SEC14L1: variants seen among roughly 807,000 people sequenced by gnomAD.
The protein encoded by SEC14L1 is SEC14 like lipid binding 1.
SEC14L1 carries 48 observed loss-of-function variants against 85.3 expected under a neutral mutation model. The ratio of observed to expected loss-of-function variants is 0.56; its 90% confidence interval spans 0.45 to 0.72. The LOEUF is 0.72. SEC14L1 is among the 30% of genes least tolerant of loss of function. The pLI is 0.00. For missense variants in SEC14L1, 682 were observed against 921.4 expected, an observed-to-expected ratio of 0.74 and a Z score of 3.36; for synonymous variants, 391 against 355.5, an observed-to-expected ratio of 1.10 and a Z score of -1.12.
At chr17:77,110,416 C>T (rs1972019693) in intron 3 of SEC14L1, among the ~76,000 whole-genome samples, 1 of 151,992 alleles carries the variant, frequency 6.6e-6, no homozygotes, top group Non-Finnish European at 1.5e-5. Context: ...TGAAAAGAGT[C>T]GAAGTGTATA....
intron 3 of SEC14L1, among the ~76,000 whole-genome samples, chr17:77,105,373 A>ACCCC (rs796673679): frequency 3.0e-4 from 25 of 82,374 alleles, no homozygotes; most frequent in East Asian, 7.9e-4. Context: ...CTCGCTGACC[A>ACCCC]CCCCCCCCCC....
rs925313801 is a variant in SEC14L1 at position 77,193,699 on chromosome 17, G to A, written c.474+150G>A. 5.0e-6 allele frequency: 4 copies of A among 796,386 alleles called. No individual in the cohort carries two copies. The African/African-American group carries it at 7.0e-5, about 14-fold the overall frequency. 49.3% of individuals were successfully genotyped at this position (796,386 alleles called of 1,614,324 possible). On this transcript the variant is annotated intron_variant, in intron 6 of 16. Coordinates refer to ENST00000436233, the MANE Select transcript of SEC14L1 (RefSeq NM_001143998.2). ...ATCCCTACCCCCTGCCTCATCTTTAGGTATAGGGGTTGAGGTTGTGCTGGT... is the reference window on the plus strand; with the variant it reads ...ATCCCTACCCCCTGCCTCATCTTTAAGTATAGGGGTTGAGGTTGTGCTGGT...
In SEC14L1 at chr17:77,169,553, C is replaced by T. The variant is rs567965775; in HGVS notation, c.64-21250C>T. 1.2e-3 allele frequency among the ~76,000 whole-genome samples: 189 copies of T among 152,332 alleles called. 1 individual carries two copies. Among genetic ancestry groups the T allele is most frequent in the African/African-American group, 4.2e-3 (174 of 41,572 alleles). ...GAGCAGAATATTTAATCCATTCCAG[C>T]CAGGCATTCGCATCTTGGTATCCTG... is the stretch of plus-strand genomic sequence containing the variant. On this transcript the variant is annotated intron_variant, in intron 3 of 16. Transcript: ENST00000436233.
chr17:77,152,712 C>G (rs961494655), intron 3 of SEC14L1: 4 of 152,182 alleles, frequency 2.6e-5, no homozygotes, highest in African/African-American at 9.7e-5. Flanking sequence ...ATGTTGTTAT[C>G]CCACCTAACA....
chr17:77,097,118 G>A (rs1332734180), intron 3 of SEC14L1, among the ~76,000 whole-genome samples: 1 of 152,228 alleles, frequency 6.6e-6, no homozygotes, highest in Non-Finnish European at 1.5e-5. Flanking sequence ...TTCTTTGTAA[G>A]GAATCCAGTG....
chr17:77,215,034 C>G lies in SEC14L1; in HGVS notation c.*1011C>G. ...CGTGTGGCATGTAGGAGTCCTGCTT[C>G]TTTGTACATGGGAATTGTGGACTCA... On this transcript the variant is annotated 3_prime_UTR_variant, in exon 17 of 17. Transcript: ENST00000436233. 1.2e-5 allele frequency: 12 copies of G among 985,424 alleles called. No individual in the cohort carries two copies. The highest frequency in any genetic ancestry group is 1.4e-5 in the Non-Finnish European group (12 of 830,092). The allele number at this position is 985,424 out of a possible 1,614,324, so 61.0% of individuals were successfully genotyped here. A position where few individuals can be genotyped will look rare whatever the true frequency, so the allele number is the denominator to read the frequency against.
chr17:77,198,310 C>G (rs889515306), intron 8 of SEC14L1, among the ~76,000 whole-genome samples: 4 of 152,176 alleles, frequency 2.6e-5, no homozygotes, highest in Non-Finnish European at 5.9e-5. Context: ...AGTCATATGG[C>G]CAGTTATGTA....
intron 5 of SEC14L1, among the ~76,000 whole-genome samples, chr17:77,192,269 A>T (rs181382665): frequency 1.3e-3 from 196 of 152,276 alleles, no homozygotes; most frequent in African/African-American, 4.4e-3. Context: ...AGATTTTTAG[A>T]ATACTCTCCT....
At chr17:77,169,757 A>C (rs1196665904) in intron 3 of SEC14L1, among the ~76,000 whole-genome samples, 1 of 152,116 alleles carries the variant, frequency 6.6e-6, no homozygotes, top group African/African-American at 2.4e-5. Flanking sequence ...CCTTTCCAGG[A>C]ATATTAGCTC....
At chr17:77,124,363 CAAAACA>C (rs944733154) in intron 3 of SEC14L1, among the ~76,000 whole-genome samples, 1 of 152,074 alleles carries the variant, frequency 6.6e-6, no homozygotes, top group Non-Finnish European at 1.5e-5. Context: ...GATTCCGTCT[CAAAACA>C]AAAACAAAAA....
At chr17:77,197,188 A>G (rs1975856281) in intron 8 of SEC14L1, among the ~76,000 whole-genome samples, 1 of 152,176 alleles carries the variant, frequency 6.6e-6, no homozygotes, top group Non-Finnish European at 1.5e-5. Flanking sequence ...CTTTTGAGTT[A>G]TTTCGCAGGA....
chr17:77,198,605 C>T (rs891458069), intron 8 of SEC14L1, among the ~76,000 whole-genome samples: 35 of 149,332 alleles, frequency 2.3e-4, no homozygotes, highest in Non-Finnish European at 4.3e-4. Context: ...GACGGAGTCT[C>T]GCCCTGTCGC....
chr17:77,190,267 C>T (rs1405988280), intron 3 of SEC14L1, among the ~76,000 whole-genome samples: 3 of 152,112 alleles, frequency 2.0e-5, no homozygotes, highest in Admixed American at 6.5e-5. Context: ...TGTTGAAAAT[C>T]AGTCGGTGTT....
At chr17:77,117,983 T>A (rs975773367) in intron 3 of SEC14L1, among the ~76,000 whole-genome samples, 1 of 152,238 alleles carries the variant, frequency 6.6e-6, no homozygotes, top group African/African-American at 2.4e-5. Flanking sequence ...AGCCCAAGGC[T>A]TGGACGCCAA....
In SEC14L1 at chr17:77,216,118, G is replaced by C. The variant is rs1977052890; in HGVS notation, c.*2095G>C. ...GGCTAGTAGGTAGGGTTCGTAGGTA[G>C]GGTTAGTAGGTAGGGCTAGTAGGTA... On this transcript the variant is annotated 3_prime_UTR_variant, in exon 17 of 17. Transcript: ENST00000436233. The C allele has an allele frequency of 9.9e-7, 1 of 1,013,898 alleles. No individual in the cohort carries two copies. The highest frequency in any genetic ancestry group is 6.1e-5 in the Admixed American group (1 of 16,362). 62.8% of individuals were successfully genotyped at this position (1,013,898 alleles called of 1,614,324 possible). A position where few individuals can be genotyped will look rare whatever the true frequency, so the allele number is the denominator to read the frequency against.
intron 3 of SEC14L1, among the ~76,000 whole-genome samples, chr17:77,119,911 C>T (rs1427929516): frequency 6.6e-6 from 1 of 152,200 alleles, no homozygotes; most frequent in East Asian, 1.9e-4. Flanking sequence ...TCAGGAACAA[C>T]TTCGGGAATC....
intron 3 of SEC14L1, among the ~76,000 whole-genome samples, chr17:77,111,398 T>G (rs1194695532): frequency 1.4e-5 from 2 of 147,970 alleles, no homozygotes; most frequent in African/African-American, 4.9e-5. Context: ...TTTGAAGTGT[T>G]TTTTTTTTTT....
In SEC14L1 at chr17:77,213,675, G is replaced by A; in HGVS notation, c.2042+183G>A. The A allele has an allele frequency of 1.2e-6, 1 of 854,476 alleles. No homozygotes were observed. The highest frequency in any genetic ancestry group is 1.9e-6 in the Non-Finnish European group (1 of 524,324). 52.9% of individuals were successfully genotyped at this position (854,476 alleles called of 1,614,324 possible). ...GTGACTCCCTGCCTGTCTGCAGAGG[G>A]AGAGTGTCGGAGACAGAGCCGACTG... is the stretch of plus-strand genomic sequence containing the variant. On this transcript the variant is annotated intron_variant, in intron 16 of 16. Coordinates refer to ENST00000436233, the MANE Select transcript of SEC14L1 (RefSeq NM_001143998.2). This position sits in a 1 kb window ranked among gnomAD's most constrained non-coding sequence, Gnocchi z 7.1.
rs568475635 is a variant in SEC14L1, at chr17:77,145,725, G to A, written c.63+2066G>A. On this transcript the variant is annotated intron_variant, in intron 3 of 16. Coordinates refer to ENST00000436233, the MANE Select transcript of SEC14L1 (RefSeq NM_001143998.2). ...TGATAGGAATCACACAGGAATCCGG[G>A]AATTCGAGCTGGGATGGGCTGAGCT... Among the ~76,000 whole-genome samples, 3 of 152,314 alleles carry A rather than the reference G, an allele frequency of 2.0e-5. No homozygotes were observed. In the South Asian group the frequency reaches 6.2e-4, roughly 32 times the overall value.
Sources: allele counts gnomAD v4.1 joint callset (sites outside exome capture counted in the v4.1 genomes callset), GRCh38; gene constraint gnomAD v4.1.1; non-coding constraint Gnocchi (gnomAD v3.1); transcripts MANE v1.5; gene names NCBI Gene and HGNC (gene_info 2026-07-23, HGNC 2026-07-21).